CCDC7: variants seen among roughly 807,000 people sequenced by gnomAD.
CCDC7 encodes coiled-coil domain-containing protein 7.
CCDC7 carries 183 observed loss-of-function variants against 196.9 expected under a neutral mutation model. The ratio of observed to expected loss-of-function variants is 0.93; its 90% confidence interval spans 0.82 to 1.05. CCDC7 has a LOEUF of 1.05. CCDC7 is among the 50% of genes least tolerant of loss of function. The probability of loss-of-function intolerance (pLI) is 0.00; values close to 1 mark genes in which losing one functional copy is unlikely to be tolerated. For synonymous variants in CCDC7, 525 were observed against 484.6 expected (o/e 1.08, Z -1.10); for missense variants, 1,540 against 1,482.2 (o/e 1.04, Z -0.64).
At chr10:32,466,460 T>C (rs1169633676) in intron 5 of CCDC7, among the ~76,000 whole-genome samples, 1 of 152,164 alleles carries the variant, frequency 6.6e-6, no homozygotes, top group Non-Finnish European at 1.5e-5. Context: ...TGTCTATTGT[T>C]TCCTTCTTTG....
intron 24 of CCDC7, among the ~76,000 whole-genome samples, chr10:32,695,792 G>A (rs887452480): frequency 6.6e-6 from 1 of 152,146 alleles, no homozygotes; most frequent in African/African-American, 2.4e-5. Flanking sequence ...GCCGAAAAGG[G>A]CATTTACAAT....
intron 29 of CCDC7, among the ~76,000 whole-genome samples, chr10:32,786,919 A>G (rs1241349553): frequency 6.6e-6 from 1 of 152,232 alleles, no homozygotes; most frequent in Non-Finnish European, 1.5e-5. Context: ...GAAAAGTATA[A>G]TAGTTGAAAT....
chr10:32,740,160 G>A (rs911302082), intron 28 of CCDC7, among the ~76,000 whole-genome samples: 1 of 152,084 alleles, frequency 6.6e-6, no homozygotes, highest in Non-Finnish European at 1.5e-5. Context: ...CCGTGTTGAA[G>A]GGTAGAAAGC....
intron 25 of CCDC7, among the ~76,000 whole-genome samples, chr10:32,722,526 G>T (rs1483802199): frequency 6.6e-6 from 1 of 151,994 alleles, no homozygotes. Flanking sequence ...GCTCCTTGTG[G>T]GTTGCTATTT....
intron 29 of CCDC7, among the ~76,000 whole-genome samples, chr10:32,780,919 T>G (rs2080958859): frequency 6.6e-6 from 1 of 152,058 alleles, no homozygotes; most frequent in African/African-American, 2.4e-5. Flanking sequence ...ATGACAAAAC[T>G]TTAGCTAGAT....
exon 13 of CCDC7, chr10:32,544,300 A>T: frequency 6.2e-7 from 1 of 1,609,444 alleles, no homozygotes; most frequent in Admixed American, 1.7e-5. Flanking sequence ...GATCAAGTAC[A>T]GGTAACACAC....
At chr10:32,573,294 C>A (rs2057798510) in intron 16 of CCDC7, among the ~76,000 whole-genome samples, 1 of 152,030 alleles carries the variant, frequency 6.6e-6, no homozygotes, top group Non-Finnish European at 1.5e-5. Context: ...AGTTTATCAC[C>A]CTGAAGAACA....
In CCDC7 at chr10:32,470,123, A is replaced by G. The variant is rs116448794; in HGVS notation, c.511-941A>G. On this transcript the variant is annotated intron_variant, in intron 5 of 41. Transcript: ENST00000639629. ...TCAGACTTCTAGTGCATTGCCCAGCATTCACTTCTGCTGTTATATCCTACT... is the reference window on the plus strand; with the variant it reads ...TCAGACTTCTAGTGCATTGCCCAGCGTTCACTTCTGCTGTTATATCCTACT... Among the ~76,000 whole-genome samples, 466 of 152,264 alleles carry G rather than the reference A, an allele frequency of 3.1e-3. 1 individual carries two copies. The highest frequency in any genetic ancestry group is 0.01 in the African/African-American group (421 of 41,544).
intron 18 of CCDC7, among the ~76,000 whole-genome samples, chr10:32,613,031 C>T (rs946677122): frequency 1.3e-5 from 2 of 152,098 alleles, no homozygotes; most frequent in South Asian, 2.1e-4. Flanking sequence ...TGGTAGAATT[C>T]GACTGTGAAA....
Position 32,543,393 on chromosome 10 carries a change from A to G in CCDC7, c.1079+8A>G, listed in dbSNP as rs769901697. 2.2e-6 allele frequency: 3 copies of G among 1,353,462 alleles called. No homozygotes were observed. Among genetic ancestry groups the G allele is most frequent in the Admixed American group, 2.9e-5 (1 of 34,264 alleles). 83.8% of individuals were successfully genotyped at this position (1,353,462 alleles called of 1,614,324 possible). ...ATCTGAGGATTCAGAAAAGTAAGAC[A>G]TAAAGATACATGTTAATCTTTTTTT... On this transcript the variant is annotated splice_region_variant and intron_variant, in intron 12 of 41. Coordinates refer to ENST00000639629, the Ensembl canonical transcript of CCDC7.
chr10:32,461,729 A>ATGTG (rs548019149), intron 3 of CCDC7, among the ~76,000 whole-genome samples: 1 of 85,404 alleles, frequency 1.2e-5, no homozygotes, highest in African/African-American at 5.2e-5. Flanking sequence ...ATATATATAT[A>ATGTG]TGTATATATA....
At chr10:32,801,491 T>C (rs1275795817) in intron 29 of CCDC7, among the ~76,000 whole-genome samples, 9 of 152,228 alleles carry the variant, frequency 5.9e-5, no homozygotes, top group African/African-American at 1.9e-4. Context: ...GTTCCAACTT[T>C]GTGTTCCTTC....
intron 9 of CCDC7, among the ~76,000 whole-genome samples, chr10:32,499,591 C>CTTTT (rs761980746): frequency 7.5e-6 from 1 of 132,946 alleles, no homozygotes. Flanking sequence ...TTGAATCTTT[C>CTTTT]TTTTTTATTT....
At chr10:32,797,212 TAC>T (rs201553922) in intron 29 of CCDC7, among the ~76,000 whole-genome samples, 5,844 of 146,236 alleles carry the variant, frequency 0.04, 120 homozygotes, top group Non-Finnish European at 0.05. Flanking sequence ...TACACACATA[TAC>T]ACACACACAT....
At chr10:32,646,487 A>G (rs1564951219) in intron 20 of CCDC7, among the ~76,000 whole-genome samples, 1 of 152,178 alleles carries the variant, frequency 6.6e-6, no homozygotes, top group Non-Finnish European at 1.5e-5. Context: ...TGAAGAATGT[A>G]TATTCTCTAG....
At chr10:32,854,152 T>G (rs2093665486) in intron 40 of CCDC7, among the ~76,000 whole-genome samples, 1 of 152,186 alleles carries the variant, frequency 6.6e-6, no homozygotes, top group Non-Finnish European at 1.5e-5. Context: ...TGATCCTATG[T>G]TAATTTGCTT....
intron 29 of CCDC7, among the ~76,000 whole-genome samples, chr10:32,802,625 G>A (rs11009087): frequency 0.09 from 13,756 of 152,188 alleles, 889 homozygotes; most frequent in East Asian, 0.33. Flanking sequence ...CAATCAAAAG[G>A]TGAGGTTCCT....
chr10:32,799,088 C>T (rs917188622), intron 29 of CCDC7, among the ~76,000 whole-genome samples: 6 of 152,160 alleles, frequency 3.9e-5, no homozygotes, highest in African/African-American at 1.4e-4. Flanking sequence ...TGCGTATCAC[C>T]TACTTTATGG....
intron 18 of CCDC7, among the ~76,000 whole-genome samples, chr10:32,620,106 A>G (rs2063241542): frequency 6.6e-6 from 1 of 151,622 alleles, no homozygotes; most frequent in Non-Finnish European, 1.5e-5. Context: ...TATTTTTAGT[A>G]GAGATGGAGT....
Sources: gnomAD v4.1 joint callset for allele counts (sites outside exome capture counted in the v4.1 genomes callset) on GRCh38, gnomAD v4.1.1 for gene constraint, MANE v1.5 for transcripts, NCBI Gene and HGNC (gene_info 2026-07-23, HGNC 2026-07-21) for gene names.